Variants in PTPRR observed in about 807,000 individuals in gnomAD.
The protein encoded by PTPRR is receptor-type tyrosine-protein phosphatase R.
PTPRR carries 38 observed loss-of-function variants against 77.2 expected under a neutral mutation model. The observed-to-expected ratio is 0.49, with a 90% CI of 0.38 to 0.65. The LOEUF (loss-of-function observed/expected upper bound fraction) is 0.65, where lower values mean the gene tolerates loss of function less well. Ranked by LOEUF, PTPRR falls within the 30% of genes least tolerant of loss-of-function variation. The pLI is 0.00. For synonymous variants in PTPRR, 299 were observed against 283.1 expected, an observed-to-expected ratio of 1.06 and a Z score of -0.57; for missense variants, 744 against 799.2, an observed-to-expected ratio of 0.93 and a Z score of 0.83.
intron 2 of PTPRR, among the ~76,000 whole-genome samples, chr12:70,779,918 T>C (rs1469292955): frequency 2.0e-5 from 3 of 152,190 alleles, no homozygotes. Flanking sequence ...AGAATTAACA[T>C]GTCTCTGACA....
intron 7 of PTPRR, 24 bp downstream of exon 7, chr12:70,701,113 G>A (rs1268146801): frequency 5.6e-6 from 9 of 1,612,720 alleles, no homozygotes; most frequent in Non-Finnish European, 7.6e-6. Context: ...CGACTGAAGA[G>A]TGAACAATAA....
chr12:70,734,144 G>A lies in PTPRR; in HGVS notation c.1007+11674C>T, dbSNP rs528547499. On this transcript the variant is annotated intron_variant, in intron 6 of 13. Transcript: ENST00000283228. ...CTGATTAAAACGCTTCTTCAGAACA[G>A]GCCATTTCACCTAATTCTGTCAACC... is the stretch of plus-strand genomic sequence containing the variant. Among the ~76,000 whole-genome samples, 6 of 152,256 alleles carry A rather than the reference G, an allele frequency of 3.9e-5. No individual in the cohort carries two copies. In the South Asian group the frequency reaches 1.2e-3, roughly 32 times the overall value.
chr12:70,733,631 G>A (rs991283273), intron 6 of PTPRR, among the ~76,000 whole-genome samples: 1 of 152,106 alleles, frequency 6.6e-6, no homozygotes, highest in African/African-American at 2.4e-5. Context: ...TGAGAACAGT[G>A]CTCTCTCCAT....
chr12:70,894,545 C>T (rs1202165656), intron 1 of PTPRR, among the ~76,000 whole-genome samples: 2 of 151,692 alleles, frequency 1.3e-5, no homozygotes, highest in Non-Finnish European at 3.0e-5. Context: ...GAAAATTACT[C>T]TCCTTTCAGA....
chr12:70,873,794 G>T (rs1893001954), intron 2 of PTPRR, among the ~76,000 whole-genome samples: 2 of 152,108 alleles, frequency 1.3e-5, no homozygotes, highest in South Asian at 4.1e-4. Context: ...GTGGGTAAGA[G>T]AAAATACATG....
chr12:70,874,946 C>T (rs900368169), intron 2 of PTPRR, among the ~76,000 whole-genome samples: 3 of 142,068 alleles, frequency 2.1e-5, no homozygotes, highest in Non-Finnish European at 4.6e-5. Context: ...AAAAAAATAG[C>T]AACCTCACGT....
At chr12:70,916,033 A>T (rs1362705443) in intron 1 of PTPRR, among the ~76,000 whole-genome samples, 1 of 152,178 alleles carries the variant, frequency 6.6e-6, no homozygotes, top group Non-Finnish European at 1.5e-5. Context: ...ATTTTAATAC[A>T]GAGAGGGGAA....
chr12:70,840,971 CTTT>C (rs35818832), intron 2 of PTPRR, among the ~76,000 whole-genome samples: 5 of 133,270 alleles, frequency 3.8e-5, no homozygotes, highest in Non-Finnish European at 6.3e-5. Context: ...GTTTTTATGG[CTTT>C]TTTTTTTTTT....
chr12:70,880,708 C>T (rs1312348088), intron 2 of PTPRR, among the ~76,000 whole-genome samples: 1 of 152,092 alleles, frequency 6.6e-6, no homozygotes, highest in Non-Finnish European at 1.5e-5. Flanking sequence ...ATGAATGTTT[C>T]AAGGAGCAAG....
chr12:70,791,361 T>G (rs974265040), intron 2 of PTPRR, among the ~76,000 whole-genome samples: 3 of 152,174 alleles, frequency 2.0e-5, no homozygotes, highest in African/African-American at 7.2e-5. Context: ...CTGAGATATA[T>G]GCAGGGCTAA....
chr12:70,894,680 T>C lies in PTPRR; in HGVS notation c.59-1703A>G, dbSNP rs536201740. Reference sequence around the variant, plus strand: ...TAAAACATTTTGGCACCATTTTCCATTGATAAAACAGTGGTAAGAACAACA... The same window carrying C: ...TAAAACATTTTGGCACCATTTTCCACTGATAAAACAGTGGTAAGAACAACA... On this transcript the variant is annotated intron_variant, in intron 1 of 13. Coordinates refer to ENST00000283228, the MANE Select transcript of PTPRR (RefSeq NM_002849.4). Among the ~76,000 whole-genome samples the C allele has an allele frequency of 1.1e-3, 163 of 151,908 alleles. 1 individual carries two copies. The highest frequency in any genetic ancestry group is 3.9e-3 in the African/African-American group (160 of 41,504).
At chr12:70,827,540 CTT>C (rs1892133090) in intron 2 of PTPRR, among the ~76,000 whole-genome samples, 1 of 140,010 alleles carries the variant, frequency 7.1e-6, no homozygotes. Context: ...TTCTTTCTTT[CTT>C]TCTTTCTTTT....
At chr12:70,683,314 G>T (rs1037888802) in intron 10 of PTPRR, among the ~76,000 whole-genome samples, 2 of 152,092 alleles carry the variant, frequency 1.3e-5, no homozygotes, top group Admixed American at 6.5e-5. Flanking sequence ...AATGAAAGCG[G>T]TACCTCGGAT....
At chr12:70,661,374 T>G (rs572250568) in intron 11 of PTPRR, among the ~76,000 whole-genome samples, 1 of 152,178 alleles carries the variant, frequency 6.6e-6, no homozygotes, top group South Asian at 2.1e-4. Flanking sequence ...ATGCTAAATA[T>G]ATATTTATAA....
chr12:70,917,228 T>C (rs2137142301), intron 1 of PTPRR, among the ~76,000 whole-genome samples: 1 of 152,202 alleles, frequency 6.6e-6, no homozygotes, highest in East Asian at 1.9e-4. Flanking sequence ...CTGGAGTTTA[T>C]ATATTAAACT....
intron 13 of PTPRR, among the ~76,000 whole-genome samples, chr12:70,642,272 A>G (rs1411001546): frequency 6.6e-6 from 1 of 152,068 alleles, no homozygotes; most frequent in Admixed American, 6.6e-5. Flanking sequence ...GCTTTCTCCC[A>G]TCCTGTAATT....
intron 2 of PTPRR, among the ~76,000 whole-genome samples, chr12:70,891,907 G>T (rs989021862): frequency 1.3e-5 from 2 of 152,074 alleles, no homozygotes; most frequent in South Asian, 2.1e-4. Context: ...GAGCAGAGAT[G>T]CAATAACAAC....
At chr12:70,865,180 A>ACGTC (rs1892821876) in intron 2 of PTPRR, among the ~76,000 whole-genome samples, 1 of 152,006 alleles carries the variant, frequency 6.6e-6, no homozygotes. Flanking sequence ...GCCTGTCGCC[A>ACGTC]TGTAAGACGT....
At chr12:70,894,148 C>T (rs1893385710) in intron 1 of PTPRR, among the ~76,000 whole-genome samples, 1 of 151,840 alleles carries the variant, frequency 6.6e-6, no homozygotes, top group African/African-American at 2.4e-5. Context: ...AAGTGCTGTC[C>T]TTAGAAAATT....
Sources: allele counts gnomAD v4.1 joint callset (sites outside exome capture counted in the v4.1 genomes callset), GRCh38; gene constraint gnomAD v4.1.1; transcripts MANE v1.5; gene names NCBI Gene and HGNC (gene_info 2026-07-23, HGNC 2026-07-21).